The following ST6GALNAC5 variants were observed in gnomAD, a reference collection of about 807,000 sequenced individuals.
The protein encoded by ST6GALNAC5 is ST6 N-acetylgalactosaminide alpha-2,6-sialyltransferase 5.
In ST6GALNAC5, 27 loss-of-function variants were observed where a neutral mutation model predicts 33.6. The ratio of observed to expected loss-of-function variants is 0.80; its 90% CI spans 0.59 to 1.11. ST6GALNAC5 has a LOEUF of 1.11. Ranked by LOEUF, ST6GALNAC5 falls within the 50% of genes least tolerant of loss-of-function variation. The probability of loss-of-function intolerance (pLI) is 0.00; values close to 1 mark genes in which losing one functional copy is unlikely to be tolerated. For missense variants in ST6GALNAC5, 428 were observed against 454.0 expected, an observed-to-expected ratio of 0.94 and a Z score of 0.52; for synonymous variants, 194 against 171.2, an observed-to-expected ratio of 1.13 and a Z score of -1.04.
At chr1:76,976,378 A>G (rs2100373540) in intron 2 of ST6GALNAC5, among the ~76,000 whole-genome samples, 1 of 152,296 alleles carries the variant, frequency 6.6e-6, no homozygotes, top group Non-Finnish European at 1.5e-5. Context: ...GAAGATGTCT[A>G]TAGTTTTCTC....
At chr1:77,049,282 A>G (rs1652132294) in intron 3 of ST6GALNAC5, among the ~76,000 whole-genome samples, 1 of 152,186 alleles carries the variant, frequency 6.6e-6, no homozygotes. Context: ...TATTCACATC[A>G]CAAATGATGC....
At chr1:76,928,746 A>G (rs1011787172) in intron 2 of ST6GALNAC5, among the ~76,000 whole-genome samples, 1 of 151,994 alleles carries the variant, frequency 6.6e-6, no homozygotes, top group African/African-American at 2.4e-5. Flanking sequence ...TCACCCTACT[A>G]TCCCCACCCC....
In ST6GALNAC5 at chr1:76,879,068, T is replaced by C. The variant is rs1570632413; in HGVS notation, c.261+10326T>C. On this transcript the variant is annotated intron_variant, in intron 2 of 4. Transcript: ENST00000477717. ...ATACAGAGAAGACCAATTATAGGACTCTTCAAAAACATAAGTGCTGCCCTC... is the reference window on the plus strand; with the variant it reads ...ATACAGAGAAGACCAATTATAGGACCCTTCAAAAACATAAGTGCTGCCCTC... Among the ~76,000 whole-genome samples the C allele has an allele frequency of 2.6e-5, 4 of 152,292 alleles. No homozygotes were observed. In the South Asian group the frequency reaches 8.3e-4, roughly 32 times the overall value.
intron 2 of ST6GALNAC5, among the ~76,000 whole-genome samples, chr1:76,948,395 G>A (rs547738448): frequency 1.3e-5 from 2 of 152,108 alleles, no homozygotes; most frequent in African/African-American, 4.8e-5. Flanking sequence ...GCTGTGCTGT[G>A]GGCCCTCTGA....
intron 2 of ST6GALNAC5, among the ~76,000 whole-genome samples, chr1:76,973,739 G>T (rs535317581): frequency 5.3e-5 from 8 of 152,048 alleles, no homozygotes; most frequent in Non-Finnish European, 1.2e-4. Flanking sequence ...TTTTTAATAG[G>T]TATATCTTAA....
chr1:77,016,118 CT>C, intron 2 of ST6GALNAC5, among the ~76,000 whole-genome samples: 2 of 144,170 alleles, frequency 1.4e-5, no homozygotes, highest in African/African-American at 2.6e-5. Flanking sequence ...TCTCCTCCCT[CT>C]CCTCCTCCTG....
At chr1:77,021,718 C>G (rs1479573769) in intron 2 of ST6GALNAC5, among the ~76,000 whole-genome samples, 2 of 152,192 alleles carry the variant, frequency 1.3e-5, no homozygotes, top group Non-Finnish European at 2.9e-5. Context: ...GACCATTACT[C>G]TAGTTGATAG....
intron 2 of ST6GALNAC5, among the ~76,000 whole-genome samples, chr1:76,897,600 T>C (rs997809872): frequency 1.2e-4 from 18 of 151,944 alleles, no homozygotes; most frequent in Non-Finnish European, 1.3e-4. Flanking sequence ...AGTAGAGGTA[T>C]CTTATACTTG....
At chr1:77,012,809 G>T (rs747955674) in intron 2 of ST6GALNAC5, among the ~76,000 whole-genome samples, 2 of 152,074 alleles carry the variant, frequency 1.3e-5, no homozygotes, top group African/African-American at 2.4e-5. Context: ...GGGGATACAG[G>T]AATGAAGAAA....
chr1:77,038,279 G>A (rs529200367), intron 2 of ST6GALNAC5, among the ~76,000 whole-genome samples: 6 of 152,314 alleles, frequency 3.9e-5, no homozygotes, highest in East Asian at 3.9e-4. Context: ...GCTTGGAAGA[G>A]TAACACTTTT....
chr1:76,870,609 A>T (rs1653481215), intron 2 of ST6GALNAC5, among the ~76,000 whole-genome samples: 1 of 152,214 alleles, frequency 6.6e-6, no homozygotes, highest in Non-Finnish European at 1.5e-5. Context: ...TTTTATTGAA[A>T]CAAAGAACAG....
chr1:76,965,215 A>AG (rs554748191), intron 2 of ST6GALNAC5, among the ~76,000 whole-genome samples: 1 of 150,708 alleles, frequency 6.6e-6, no homozygotes, highest in African/African-American at 2.4e-5. Flanking sequence ...TTAGTTTACC[A>AG]CCCCCCCCAC....
intron 2 of ST6GALNAC5, among the ~76,000 whole-genome samples, chr1:76,897,722 T>C (rs1646766308): frequency 6.6e-6 from 1 of 152,164 alleles, no homozygotes; most frequent in Non-Finnish European, 1.5e-5. Context: ...AAGCAGATAA[T>C]TTAGTTAAAG....
intron 2 of ST6GALNAC5, among the ~76,000 whole-genome samples, chr1:77,010,670 G>C (rs1650598229): frequency 7.7e-6 from 1 of 130,306 alleles, no homozygotes. Flanking sequence ...TCCAACTCTA[G>C]GAGGCCAGGA....
chr1:76,880,853 A>T (rs1425113930), intron 2 of ST6GALNAC5, among the ~76,000 whole-genome samples: 1 of 152,216 alleles, frequency 6.6e-6, no homozygotes, highest in Non-Finnish European at 1.5e-5. Context: ...AATTGTGTTG[A>T]CCACAAGACA....
In ST6GALNAC5 at chr1:76,867,553, G is replaced by A. The variant is rs1470024944; in HGVS notation, c.-123G>A. On this transcript the variant is annotated 5_prime_UTR_variant, in exon 1 of 5. Coordinates refer to ENST00000477717, the MANE Select transcript of ST6GALNAC5 (RefSeq NM_030965.3). Reference sequence around the variant, plus strand: ...CCGCGGCTCCCGCGCGCGATCTGCCGCGGCCGGCTGCTGGGCAAAAATCAG... The same window carrying A: ...CCGCGGCTCCCGCGCGCGATCTGCCACGGCCGGCTGCTGGGCAAAAATCAG... The A allele has an allele frequency of 5.9e-6, 9 of 1,531,970 alleles. No individual in the cohort carries two copies. In the Admixed American group the frequency reaches 1.2e-4, roughly 20 times the overall value. 94.9% of individuals were successfully genotyped at this position (1,531,970 alleles called of 1,614,324 possible). A position where few individuals can be genotyped will look rare whatever the true frequency, so the allele number is the denominator to read the frequency against.
At chr1:76,939,596 G>T (rs996652624) in intron 2 of ST6GALNAC5, among the ~76,000 whole-genome samples, 1 of 152,096 alleles carries the variant, frequency 6.6e-6, no homozygotes, top group African/African-American at 2.4e-5. Flanking sequence ...GGACAGAATT[G>T]TGCTAATGTA....
intron 2 of ST6GALNAC5, among the ~76,000 whole-genome samples, chr1:77,039,393 G>A (rs114241313): frequency 0.011 from 1,641 of 152,320 alleles, 30 homozygotes; most frequent in African/African-American, 0.038. Context: ...ATGGTTCCCT[G>A]GGCTGAGAGG....
chr1:76,976,028 G>T (rs1189311034), intron 2 of ST6GALNAC5, among the ~76,000 whole-genome samples: 1 of 152,164 alleles, frequency 6.6e-6, no homozygotes, highest in Non-Finnish European at 1.5e-5. Flanking sequence ...CCCGGAGGTG[G>T]AGACTGCAGT....
Sources: gnomAD v4.1 joint callset for allele counts (sites outside exome capture counted in the v4.1 genomes callset) on GRCh38, gnomAD v4.1.1 for gene constraint, MANE v1.5 for transcripts, NCBI Gene and HGNC (gene_info 2026-07-23, HGNC 2026-07-21) for gene names.